Variants in ABTB3 observed in about 807,000 individuals in gnomAD.
ABTB3 encodes the protein ankyrin repeat and BTB domain containing 3, also known as ankyrin repeat- and BTB/POZ domain-containing protein 3.
the ABTB3 span, chr12:107,520,587 C>A: frequency 6.2e-7 from 1 of 1,614,224 alleles, no homozygotes. Context: ...AGCTGAGGAC[C>A]ATCGAGCAGT....
the ABTB3 span, among the ~76,000 whole-genome samples, chr12:107,327,378 T>C: frequency 6.6e-6 from 1 of 152,222 alleles, no homozygotes; most frequent in Non-Finnish European, 1.5e-5. Flanking sequence ...TTATTTCACT[T>C]AAATGTCTTC....
At chr12:107,635,354 C>A in the ABTB3 span, 1 of 1,613,938 alleles carries the variant, frequency 6.2e-7, no homozygotes, top group Non-Finnish European at 8.5e-7. Context: ...CATCCCCAAG[C>A]TCACAGAAAT....
At chr12:107,524,377 C>T in the ABTB3 span, among the ~76,000 whole-genome samples, 1 of 152,116 alleles carries the variant, frequency 6.6e-6, no homozygotes, top group Non-Finnish European at 1.5e-5. Flanking sequence ...ACATAGAGAG[C>T]TGTTCTTCAT....
chr12:107,338,425 G>A, the ABTB3 span, among the ~76,000 whole-genome samples: 2 of 152,198 alleles, frequency 1.3e-5, no homozygotes, highest in African/African-American at 4.8e-5. Context: ...AGCTGAGGGT[G>A]GGAAGGGTGA....
At chr12:107,574,682 G>T in the ABTB3 span, among the ~76,000 whole-genome samples, 3 of 152,140 alleles carry the variant, frequency 2.0e-5, no homozygotes, top group Non-Finnish European at 4.4e-5. Flanking sequence ...AGATCACTGC[G>T]CAACAGAGCG....
At chr12:107,617,752 A>C in the ABTB3 span, 2 of 377,384 alleles carry the variant, frequency 5.3e-6, no homozygotes, top group Non-Finnish European at 9.5e-6. Context: ...ATCCATTTAA[A>C]AAATAATAAA....
chr12:107,648,100 G>T, the ABTB3 span, among the ~76,000 whole-genome samples: 2 of 152,166 alleles, frequency 1.3e-5, no homozygotes, highest in Admixed American at 6.5e-5. Context: ...GACAATAGGG[G>T]CCGGGCACAG....
the ABTB3 span, among the ~76,000 whole-genome samples, chr12:107,434,397 A>G: frequency 6.6e-6 from 1 of 152,216 alleles, no homozygotes; most frequent in African/African-American, 2.4e-5. Context: ...CGAGACACCC[A>G]CAGCGTCTGC....
chr12:107,344,298 C>T, the ABTB3 span, among the ~76,000 whole-genome samples: 1 of 152,162 alleles, frequency 6.6e-6, no homozygotes, highest in Non-Finnish European at 1.5e-5. Context: ...CCAAGGGAGG[C>T]TAAGAAGTTT....
the ABTB3 span, among the ~76,000 whole-genome samples, chr12:107,587,722 A>G: frequency 6.6e-6 from 1 of 152,330 alleles, no homozygotes; most frequent in South Asian, 2.1e-4. Context: ...ATAGCAGGGT[A>G]TACAGTGTCA....
At chr12:107,440,361 G>A in the ABTB3 span, among the ~76,000 whole-genome samples, 29 of 152,292 alleles carry the variant, frequency 1.9e-4, no homozygotes, top group African/African-American at 5.3e-4. Flanking sequence ...GCATCTGCCC[G>A]TGCTTCTGCT....
chr12:107,380,153 C>T, the ABTB3 span, among the ~76,000 whole-genome samples: 11 of 152,180 alleles, frequency 7.2e-5, no homozygotes, highest in Non-Finnish European at 1.0e-4. Flanking sequence ...CTGAACTGAG[C>T]GCTGGTAAAC....
chr12:107,577,409 C>A, the ABTB3 span, among the ~76,000 whole-genome samples: 2 of 152,146 alleles, frequency 1.3e-5, no homozygotes, highest in African/African-American at 4.8e-5. Flanking sequence ...CATCCTGTAA[C>A]ATTCTTTCTA....
At chr12:107,434,412 G>GC in the ABTB3 span, among the ~76,000 whole-genome samples, 1 of 152,240 alleles carries the variant, frequency 6.6e-6, no homozygotes, top group Non-Finnish European at 1.5e-5. Flanking sequence ...GTCTGCTACA[G>GC]CCTTTCTCTG....
At chr12:107,507,589 G>A in the ABTB3 span, among the ~76,000 whole-genome samples, 3 of 152,126 alleles carry the variant, frequency 2.0e-5, no homozygotes, top group East Asian at 5.8e-4. Flanking sequence ...CCTCAGCAAA[G>A]CACTTGAGCC....
chr12:107,369,429 G>A, the ABTB3 span, among the ~76,000 whole-genome samples: 692 of 135,112 alleles, frequency 5.1e-3, 3 homozygotes, highest in African/African-American at 0.013. Flanking sequence ...ATGGAGTCTC[G>A]CTCTTGTCAC....
At chr12:107,569,999 C>T in the ABTB3 span, among the ~76,000 whole-genome samples, 1 of 152,186 alleles carries the variant, frequency 6.6e-6, no homozygotes, top group Non-Finnish European at 1.5e-5. Context: ...CTTTGGGGCC[C>T]TTCCTGGAAG....
the ABTB3 span, among the ~76,000 whole-genome samples, chr12:107,467,365 A>G: frequency 1.3e-5 from 2 of 152,096 alleles, no homozygotes; most frequent in South Asian, 4.1e-4. Flanking sequence ...ACCTCTGGCC[A>G]GTGATCCCAG....
the ABTB3 span, among the ~76,000 whole-genome samples, chr12:107,429,542 C>T: frequency 6.6e-6 from 1 of 152,182 alleles, no homozygotes; most frequent in East Asian, 1.9e-4. Flanking sequence ...GGCATTTGTC[C>T]TCACCTGCCA....
Sources: allele counts gnomAD v4.1 joint callset (sites outside exome capture counted in the v4.1 genomes callset), GRCh38; gene constraint gnomAD v4.1.1; transcripts MANE v1.5; gene names NCBI Gene and HGNC (gene_info 2026-07-23, HGNC 2026-07-21).